The following MTMR14 variants were observed in gnomAD, a reference collection of about 807,000 sequenced individuals.
MTMR14 encodes myotubularin related protein 14, also known as phosphatidylinositol-3,5-bisphosphate 3-phosphatase MTMR14.
Under a neutral mutation model 86.3 loss-of-function variants are expected in MTMR14, and 48 were observed. The observed-to-expected ratio is 0.56, with a 90% confidence interval of 0.44 to 0.71. The LOEUF (loss-of-function observed/expected upper bound fraction) is 0.71. MTMR14 is among the 30% of genes least tolerant of loss of function. The pLI is 0.00. For synonymous variants in MTMR14, 366 were observed against 326.1 expected (o/e 1.12, Z -1.32); for missense variants, 780 against 834.6 (o/e 0.93, Z 0.81).
Position 9,677,185 on chromosome 3 carries a change from G to A in MTMR14, c.752-132G>A. On this transcript the variant is annotated intron_variant, in intron 7 of 18. Coordinates refer to ENST00000296003, the MANE Select transcript of MTMR14 (RefSeq NM_001077525.3). The surrounding 1 kb of genome is among the most constrained non-coding windows in gnomAD (Gnocchi z 4.2). ...CCGTGTCAGCCTTGGCCTCACTGAAGCCACTAGCTTGGAGAAGTGTGAGTT... is the reference window on the plus strand; with the variant it reads ...CCGTGTCAGCCTTGGCCTCACTGAAACCACTAGCTTGGAGAAGTGTGAGTT... 1 of 768,672 alleles carries A rather than the reference G, an allele frequency of 1.3e-6. No individual in the cohort carries two copies. The highest frequency in any genetic ancestry group is 1.6e-5 in the South Asian group (1 of 62,180). 47.6% of individuals were successfully genotyped at this position (768,672 alleles called of 1,614,324 possible).
chr3:9,675,887 G>A (rs559032832), intron 7 of MTMR14, among the ~76,000 whole-genome samples: 61 of 152,294 alleles, frequency 4.0e-4, no homozygotes, highest in Non-Finnish European at 7.8e-4. Flanking sequence ...CTCTGTCTGA[G>A]ATCTATAATT....
intron 9 of MTMR14, among the ~76,000 whole-genome samples, chr3:9,680,872 G>A (rs2075744861): frequency 6.6e-6 from 1 of 152,112 alleles, no homozygotes; most frequent in African/African-American, 2.4e-5. Context: ...AAAGAAGGCA[G>A]CCCTCTCCAG....
intron 2 of MTMR14, among the ~76,000 whole-genome samples, chr3:9,656,615 T>G (rs1449048473): frequency 6.6e-6 from 1 of 152,040 alleles, no homozygotes; most frequent in East Asian, 1.9e-4. Context: ...GAGATGGGTT[T>G]TGCCATGATG....
chr3:9,655,012 G>T (rs182604962), intron 2 of MTMR14, among the ~76,000 whole-genome samples: 1 of 152,320 alleles, frequency 6.6e-6, no homozygotes, highest in Non-Finnish European at 1.5e-5. Context: ...AGGCCAGGGA[G>T]TGTGAACCTG....
At position 9,690,065 on chromosome 3, in the gene MTMR14, C is replaced by T; in HGVS notation, c.1535C>T (p.Ser512Phe). ...CAGCAGGGGCTGGCGGAAGCCAGGT[C>T]TTCCAGCTCCTCTTCCTCAAACCAT... ...PSQQGLAEAR[S>F]SSSSSSNHSD... The change falls in exon 17 of 19, where the codon TCT becomes TTT. Residue 512 changes from serine to phenylalanine, a missense_variant. Coordinates refer to ENST00000296003, the MANE Select transcript of MTMR14 (RefSeq NM_001077525.3). The T allele has an allele frequency of 7.4e-6, 12 of 1,613,352 alleles. No homozygotes were observed. Among genetic ancestry groups the T allele is most frequent in the Non-Finnish European group, 9.3e-6 (11 of 1,180,000 alleles).
At chr3:9,689,545 A>G (rs960235475) in intron 16 of MTMR14, among the ~76,000 whole-genome samples, 1 of 152,206 alleles carries the variant, frequency 6.6e-6, no homozygotes, top group African/African-American at 2.4e-5. Context: ...GTTGCATAAC[A>G]AAGTCCTGAG....
Position 9,649,826 on chromosome 3 carries a change from A to C in MTMR14, c.159+84A>C, listed in dbSNP as rs1574902112. 7.6e-6 allele frequency: 12 copies of C among 1,579,258 alleles called. No homozygotes were observed. The East Asian group carries it at 2.8e-4, about 37-fold the overall frequency. Reference sequence around the variant, plus strand: ...AAGGCTGAGGCCAGGGGTCAGAAAAAGGTAGGAGTGGTACCTCGCCGCTGA... The same window carrying C: ...AAGGCTGAGGCCAGGGGTCAGAAAACGGTAGGAGTGGTACCTCGCCGCTGA... On this transcript the variant is annotated intron_variant, in intron 1 of 18. Coordinates refer to ENST00000296003, the MANE Select transcript of MTMR14 (RefSeq NM_001077525.3).
At chr3:9,683,565 G>A (rs1397977663) in intron 10 of MTMR14, 4 of 350,652 alleles carry the variant, frequency 1.1e-5, no homozygotes, top group Admixed American at 8.4e-5. Context: ...AGAAAGATGA[G>A]GCATGAGATG....
intron 2 of MTMR14, chr3:9,659,590 C>T (rs909833140): frequency 2.3e-5 from 9 of 397,626 alleles, no homozygotes; most frequent in Admixed American, 2.0e-4. Flanking sequence ...ATTAGAGGCG[C>T]GTGCTGCCAC....
At chr3:9,658,405 T>A (rs1282549101) in intron 2 of MTMR14, among the ~76,000 whole-genome samples, 2 of 152,216 alleles carry the variant, frequency 1.3e-5, no homozygotes, top group African/African-American at 4.8e-5. Context: ...TTGTCAACAG[T>A]GTTCGTTCAG....
At position 9,677,231 on chromosome 3, in the gene MTMR14, ACTCAG is replaced by A; in HGVS notation, c.752-85_752-81del. On this transcript the variant is annotated intron_variant, in intron 7 of 18. Coordinates refer to ENST00000296003, the MANE Select transcript of MTMR14 (RefSeq NM_001077525.3). The surrounding 1 kb of genome is among the most constrained non-coding windows in gnomAD (Gnocchi z 4.2). ...GAGTTGGCGGCCCCCTCTCCACAGC[ACTCAG>A]GGACCTGGGTCTGGCCAGGGCTGTC... 8.2e-7 allele frequency: 1 copy of A among 1,226,722 alleles called. No homozygotes were observed. Among genetic ancestry groups the A allele is most frequent in the Non-Finnish European group, 1.2e-6 (1 of 833,132 alleles). 76.0% of individuals were successfully genotyped at this position (1,226,722 alleles called of 1,614,324 possible).
chr3:9,686,374 C>T (rs1432916357), intron 13 of MTMR14, among the ~76,000 whole-genome samples: 5 of 152,202 alleles, frequency 3.3e-5, no homozygotes, highest in Admixed American at 1.3e-4. Flanking sequence ...CCAGATCTGC[C>T]TGCAGAGGGT....
chr3:9,667,657 A>G (rs2048328988), intron 3 of MTMR14, among the ~76,000 whole-genome samples: 1 of 152,002 alleles, frequency 6.6e-6, no homozygotes, highest in Non-Finnish European at 1.5e-5. Flanking sequence ...GTCCCAGGTT[A>G]TATCCAGGTA....
At chr3:9,688,491 A>G (rs1229342933) in intron 14 of MTMR14, among the ~76,000 whole-genome samples, 1 of 152,146 alleles carries the variant, frequency 6.6e-6, no homozygotes, top group Non-Finnish European at 1.5e-5. Context: ...TGCCCTCAGA[A>G]ATCTTCACCT....
intron 13 of MTMR14, among the ~76,000 whole-genome samples, chr3:9,685,533 C>T (rs1005558150): frequency 6.6e-6 from 1 of 152,164 alleles, no homozygotes; most frequent in African/African-American, 2.4e-5. Context: ...TCTCACAGGC[C>T]ACTTGTTCTC....
chr3:9,681,129 G>A lies in MTMR14; in HGVS notation c.898-2049G>A, dbSNP rs576990912. ...GGTCATATTCACCCTTGTGTGCCTGGTGCCAGGCCCTTCAGGAGGCATGCA... is the reference window on the plus strand; with the variant it reads ...GGTCATATTCACCCTTGTGTGCCTGATGCCAGGCCCTTCAGGAGGCATGCA... On this transcript the variant is annotated intron_variant, in intron 9 of 18. Coordinates refer to ENST00000296003, the MANE Select transcript of MTMR14 (RefSeq NM_001077525.3). Among the ~76,000 whole-genome samples the A allele has an allele frequency of 5.9e-5, 9 of 152,308 alleles. No homozygotes were observed. In the East Asian group the frequency reaches 1.5e-3, roughly 26 times the overall value.
chr3:9,655,290 C>T (rs2047531653), intron 2 of MTMR14, among the ~76,000 whole-genome samples: 1 of 151,106 alleles, frequency 6.6e-6, no homozygotes, highest in Non-Finnish European at 1.5e-5. Context: ...TCGCTTGAAC[C>T]CAGGAGGTGG....
At chr3:9,693,389 GC>G (rs1312780316) in intron 17 of MTMR14, among the ~76,000 whole-genome samples, 2 of 152,208 alleles carry the variant, frequency 1.3e-5, no homozygotes, top group Non-Finnish European at 2.9e-5. Context: ...AGGGATTAGG[GC>G]TGTCCCCTAC....
intron 10 of MTMR14, chr3:9,683,469 C>T: frequency 1.8e-6 from 1 of 553,698 alleles, no homozygotes; most frequent in African/African-American, 1.9e-5. Context: ...AACTCCTTAC[C>T]ATCTATGCCG....
Sources: allele counts gnomAD v4.1 joint callset (sites outside exome capture counted in the v4.1 genomes callset), GRCh38; gene constraint gnomAD v4.1.1; non-coding constraint Gnocchi (gnomAD v3.1); transcripts MANE v1.5; gene names NCBI Gene and HGNC (gene_info 2026-07-23, HGNC 2026-07-21).